The following IFT88 variants were observed in gnomAD, a reference collection of about 807,000 sequenced individuals.
The protein encoded by IFT88 is intraflagellar transport 88.
IFT88 carries 74 observed loss-of-function variants against 119.5 expected under a neutral mutation model. The observed-to-expected ratio is 0.62, with a 90% CI of 0.51 to 0.75. The LOEUF is 0.75. Ranked by LOEUF, IFT88 falls within the 30% of genes least tolerant of loss-of-function variation. The pLI, the probability that IFT88 is intolerant of heterozygous loss-of-function variation, is 0.00. For missense variants in IFT88, 961 were observed against 977.7 expected (o/e 0.98, Z 0.23); for synonymous variants, 279 against 316.7 (o/e 0.88, Z 1.26).
intron 15 of IFT88, among the ~76,000 whole-genome samples, chr13:20,630,760 A>G (rs547814237): frequency 4.6e-5 from 7 of 152,186 alleles, no homozygotes; most frequent in Non-Finnish European, 8.8e-5. Flanking sequence ...CTTCAGCTGT[A>G]TCTAATCTGC....
At chr13:20,627,698 T>A (rs1256819923) in intron 15 of IFT88, among the ~76,000 whole-genome samples, 2 of 127,686 alleles carry the variant, frequency 1.6e-5, no homozygotes, top group African/African-American at 3.0e-5. Flanking sequence ...ACCACTGCAC[T>A]CTGGCCTGAG....
intron 24 of IFT88, among the ~76,000 whole-genome samples, chr13:20,683,268 C>T (rs1172946703): frequency 1.3e-5 from 2 of 152,130 alleles, no homozygotes; most frequent in Admixed American, 6.5e-5. Flanking sequence ...ACAATGACCG[C>T]CATCAAAAAT....
At chr13:20,592,492 TG>T in intron 7 of IFT88, 88 bp downstream of exon 7, 6 of 973,236 alleles carry the variant, frequency 6.2e-6, no homozygotes, top group Non-Finnish European at 9.3e-6. Context: ...TTTTTTGAGA[TG>T]ATATCTCACT....
chr13:20,638,621 T>C lies in IFT88; in HGVS notation c.1573+103T>C, dbSNP rs566539013. On this transcript the variant is annotated intron_variant, in intron 17 of 25. Coordinates refer to ENST00000351808, the MANE Select transcript of IFT88 (RefSeq NM_006531.5). ...AGCTCTAACACATTAGGAGGAGGAG[T>C]TGACTTCCTTCTAACGGAAAATTGA... 71 of 635,420 alleles carry C rather than the reference T, an allele frequency of 1.1e-4. No individual in the cohort carries two copies. In the Middle Eastern group the frequency reaches 2.4e-3, roughly 22 times the overall value. The allele number at this position is 635,420 out of a possible 1,614,324, so 39.4% of individuals were successfully genotyped here.
At chr13:20,661,032 C>T (rs375829665) in intron 22 of IFT88, among the ~76,000 whole-genome samples, 52 of 152,256 alleles carry the variant, frequency 3.4e-4, no homozygotes, top group African/African-American at 1.2e-3. Context: ...TTCCCCAGAA[C>T]TTTTACCAAC....
At chr13:20,595,381 A>G (rs1047794451) in intron 7 of IFT88, among the ~76,000 whole-genome samples, 2 of 151,976 alleles carry the variant, frequency 1.3e-5, no homozygotes, top group Admixed American at 6.6e-5. Flanking sequence ...TCTGTCTCCC[A>G]GGTTCAAGCA....
At chr13:20,626,961 C>T (rs2047437530) in intron 15 of IFT88, among the ~76,000 whole-genome samples, 1 of 152,126 alleles carries the variant, frequency 6.6e-6, no homozygotes, top group African/African-American at 2.4e-5. Flanking sequence ...AGTTTATCTT[C>T]CTATTTAGAG....
intron 13 of IFT88, among the ~76,000 whole-genome samples, chr13:20,611,702 T>A (rs2139508661): frequency 6.6e-6 from 1 of 152,094 alleles, no homozygotes; most frequent in East Asian, 2.0e-4. Context: ...CCTCCTGGGT[T>A]CGAGCGATTC....
intron 14 of IFT88, among the ~76,000 whole-genome samples, chr13:20,620,606 G>GC (rs2046318008): frequency 6.6e-6 from 1 of 151,976 alleles, no homozygotes; most frequent in Non-Finnish European, 1.5e-5. Flanking sequence ...TTACTCTGTC[G>GC]CCAGGCTGGA....
intron 2 of IFT88, among the ~76,000 whole-genome samples, chr13:20,581,303 G>T (rs2038598595): frequency 6.6e-6 from 1 of 152,142 alleles, no homozygotes; most frequent in Admixed American, 6.5e-5. Context: ...TCCAAAAGTT[G>T]TATAAGTTTG....
chr13:20,690,749 A>G lies in IFT88; in HGVS notation c.2287A>G (p.Ser763Gly), dbSNP rs777835152. ...TGCCAGTAGTAAAGGTGAACGACTA[A>G]GTGCCAGACTCAGAGCTTTACCTGG... ...YSASSKGERLSARLRALPGTN... is the reference protein window; with the variant it reads ...YSASSKGERLGARLRALPGTN... Residue 763 changes from serine to glycine, a missense_variant, in exon 25 of 26, where the codon AGT becomes GGT. Ser to Gly is a moderately conservative substitution (Grantham distance 56). Coordinates refer to ENST00000351808, the MANE Select transcript of IFT88 (RefSeq NM_006531.5). The G allele has an allele frequency of 1.9e-6, 3 of 1,613,852 alleles. No individual in the cohort carries two copies. The highest frequency in any genetic ancestry group is 2.5e-6 in the Non-Finnish European group (3 of 1,179,866).
intron 13 of IFT88, among the ~76,000 whole-genome samples, chr13:20,615,547 A>G (rs960170442): frequency 1.3e-5 from 2 of 152,186 alleles, no homozygotes; most frequent in African/African-American, 4.8e-5. Context: ...AGAAGGCATC[A>G]TAAAGCAGAA....
chr13:20,673,813 TC>T (rs1318623664), intron 24 of IFT88, among the ~76,000 whole-genome samples: 1 of 152,178 alleles, frequency 6.6e-6, no homozygotes, highest in Admixed American at 6.5e-5. Flanking sequence ...AATAGTCAGT[TC>T]TAGTGCACAA....
chr13:20,685,592 C>A (rs532210380), intron 24 of IFT88, among the ~76,000 whole-genome samples: 2 of 152,300 alleles, frequency 1.3e-5, no homozygotes, highest in Non-Finnish European at 2.9e-5. Flanking sequence ...CGTACCCAGC[C>A]GGGCATGGTG....
chr13:20,598,502 ATTCT>A (rs1220868158), intron 9 of IFT88, 145 bp from the exon 10 acceptor site: 5 of 489,334 alleles, frequency 1.0e-5, no homozygotes, highest in African/African-American at 1.9e-5. Context: ...ATGCAAGATA[ATTCT>A]TTTGTTTACT....
intron 18 of IFT88, 137 bp downstream of exon 18, chr13:20,641,535 GATT>G: frequency 1.9e-6 from 1 of 525,720 alleles, no homozygotes; most frequent in East Asian, 3.0e-5. Flanking sequence ...TAATCTGGCA[GATT>G]ATTGTGTGAT....
chr13:20,626,943 A>C (rs1037170640), intron 15 of IFT88, among the ~76,000 whole-genome samples: 2 of 152,200 alleles, frequency 1.3e-5, no homozygotes, highest in Non-Finnish European at 2.9e-5. Context: ...TCCCAAGCCT[A>C]TGCTTTCAGT....
intron 7 of IFT88, among the ~76,000 whole-genome samples, chr13:20,594,958 T>C (rs1272957758): frequency 6.6e-6 from 1 of 152,206 alleles, no homozygotes; most frequent in Non-Finnish European, 1.5e-5. Flanking sequence ...ATTTAGGCAT[T>C]GATGTGTATT....
chr13:20,667,582 GTTT>G (rs1235885490), intron 23 of IFT88, among the ~76,000 whole-genome samples: 1 of 143,920 alleles, frequency 6.9e-6, no homozygotes, highest in Non-Finnish European at 1.5e-5. Flanking sequence ...CATTTTCACA[GTTT>G]TTTGTTTTTG....
Sources: allele counts gnomAD v4.1 joint callset (sites outside exome capture counted in the v4.1 genomes callset), GRCh38; gene constraint gnomAD v4.1.1; transcripts MANE v1.5; gene names NCBI Gene and HGNC (gene_info 2026-07-23, HGNC 2026-07-21).